The following SLCO3A1 variants were observed in gnomAD, a reference collection of about 807,000 sequenced individuals.
SLCO3A1 encodes solute carrier organic anion transporter family member 3A1.
SLCO3A1 carries 27 observed loss-of-function variants against 63.1 expected under a neutral mutation model. That is an observed-to-expected ratio of 0.43 (90% CI 0.32 to 0.59). The LOEUF is 0.59. Ranked by LOEUF, SLCO3A1 falls within the 20% of genes least tolerant of loss-of-function variation. The probability of loss-of-function intolerance (pLI) is 0.09; values close to 1 mark genes in which losing one functional copy is unlikely to be tolerated. For missense variants in SLCO3A1, 773 were observed against 945.8 expected (o/e 0.82, Z 2.40); for synonymous variants, 473 against 409.9 (o/e 1.15, Z -1.86).
intron 2 of SLCO3A1, among the ~76,000 whole-genome samples, chr15:91,952,805 T>C (rs1900042814): frequency 6.6e-6 from 1 of 152,204 alleles, no homozygotes; most frequent in African/African-American, 2.4e-5. Context: ...TTCGTACATT[T>C]CCTCCTGCCC....
At chr15:92,063,204 G>A (rs1044309049) in intron 2 of SLCO3A1, among the ~76,000 whole-genome samples, 2 of 152,240 alleles carry the variant, frequency 1.3e-5, no homozygotes, top group Admixed American at 1.3e-4. Context: ...TTAACTGAGA[G>A]TGTGGACCTC....
rs1415668301 is a variant in SLCO3A1, at chr15:91,886,586, G to A, written c.181-29407G>A. Among the ~76,000 whole-genome samples the A allele has an allele frequency of 6.6e-6, 1 of 152,176 alleles. No homozygotes were observed. The highest frequency in any genetic ancestry group is 2.4e-5 in the African/African-American group (1 of 41,436). Reference sequence around the variant, plus strand: ...CCTCAGCGTCAGTGTTGTTTCTACGGTGTGACCATATTTGATGTGCTTACT... The same window carrying A: ...CCTCAGCGTCAGTGTTGTTTCTACGATGTGACCATATTTGATGTGCTTACT... On this transcript the variant is annotated intron_variant, in intron 1 of 9. Coordinates refer to ENST00000318445, the MANE Select transcript of SLCO3A1 (RefSeq NM_013272.4). This position sits in a 1 kb window ranked among gnomAD's most constrained non-coding sequence, Gnocchi z 4.9.
Position 92,093,944 on chromosome 15 carries a change from G to A in SLCO3A1, c.647-937G>A, listed in dbSNP as rs138286015. On this transcript the variant is annotated intron_variant, in intron 2 of 9. Transcript: ENST00000318445. ...ACCCAACCTTGGAGCTGCCTGGCCTGGAATTACCCATGCACTGACTGTCCT... is the reference window on the plus strand; with the variant it reads ...ACCCAACCTTGGAGCTGCCTGGCCTAGAATTACCCATGCACTGACTGTCCT... Among the ~76,000 whole-genome samples, 937 of 152,246 alleles carry A rather than the reference G, an allele frequency of 6.2e-3. 2 individuals carry two copies. Among genetic ancestry groups the A allele is most frequent in the South Asian group, 0.021 (101 of 4,822 alleles).
intron 3 of SLCO3A1, among the ~76,000 whole-genome samples, chr15:92,096,763 G>A (rs1596097685): frequency 6.6e-6 from 1 of 152,222 alleles, no homozygotes; most frequent in East Asian, 1.9e-4. Flanking sequence ...TTTACTTGTA[G>A]CTAATGATGT....
rs1190259869 is a variant in SLCO3A1 at position 91,919,818 on chromosome 15, ATT to A, written c.646+3361_646+3362del. On this transcript the variant is annotated intron_variant, in intron 2 of 9. Coordinates refer to ENST00000318445, the MANE Select transcript of SLCO3A1 (RefSeq NM_013272.4). ...GTACTAAAGATTTCTCAATAACTTT[ATT>A]CCTAGTTAAAAAGCATTACATGTTC... is the stretch of plus-strand genomic sequence containing the variant. Among the ~76,000 whole-genome samples the A allele has an allele frequency of 2.0e-5, 3 of 152,020 alleles. No homozygotes were observed. The South Asian group carries it at 6.2e-4, about 32-fold the overall frequency.
intron 2 of SLCO3A1, among the ~76,000 whole-genome samples, chr15:92,002,663 C>T (rs947761472): frequency 7.2e-5 from 11 of 152,174 alleles, no homozygotes; most frequent in Non-Finnish European, 1.2e-4. Flanking sequence ...AGATATTCTC[C>T]GAAATTAGTG....
intron 2 of SLCO3A1, among the ~76,000 whole-genome samples, chr15:92,017,326 T>C (rs17518659): frequency 0.048 from 7,259 of 151,844 alleles, 243 homozygotes; most frequent in Non-Finnish European, 0.072. Flanking sequence ...TGAAAACATC[T>C]AAGTAGCAAA....
At chr15:91,929,676 C>A (rs1455357835) in intron 2 of SLCO3A1, among the ~76,000 whole-genome samples, 1 of 152,136 alleles carries the variant, frequency 6.6e-6, no homozygotes, top group African/African-American at 2.4e-5. Flanking sequence ...ACTGAAATTA[C>A]CTCTTCAACA....
rs376857866 is a variant in SLCO3A1 at position 92,165,464 on chromosome 15, C to G, written c.*2329C>G. On this transcript the variant is annotated 3_prime_UTR_variant, in exon 10 of 10. Coordinates refer to ENST00000318445, the MANE Select transcript of SLCO3A1 (RefSeq NM_013272.4). ...CAAACTCAGTACACACACACTGAGG[C>G]CCTTTGACCTAGTGTTTTATGGAAC... The G allele has an allele frequency of 4.1e-6, 4 of 981,932 alleles. No homozygotes were observed. The highest frequency in any genetic ancestry group is 1.2e-6 in the Non-Finnish European group (1 of 826,910). The allele number at this position is 981,932 out of a possible 1,614,324, so 60.8% of individuals were successfully genotyped here. A position where few individuals can be genotyped will look rare whatever the true frequency, so the allele number is the denominator to read the frequency against.
chr15:92,013,940 A>C (rs2046396934), intron 2 of SLCO3A1, among the ~76,000 whole-genome samples: 1 of 152,082 alleles, frequency 6.6e-6, no homozygotes, highest in Admixed American at 6.5e-5. Flanking sequence ...AGGTTTTTCT[A>C]TGTAAAAGGC....
At chr15:92,079,263 C>G (rs969109327) in intron 2 of SLCO3A1, among the ~76,000 whole-genome samples, 1 of 152,210 alleles carries the variant, frequency 6.6e-6, no homozygotes, top group African/African-American at 2.4e-5. Flanking sequence ...CAAGTACCCT[C>G]TCAAGTGTTG....
rs930931942 is a variant in SLCO3A1 at position 91,968,180 on chromosome 15, G to A, written c.646+51722G>A. Among the ~76,000 whole-genome samples the A allele has an allele frequency of 6.6e-6, 1 of 152,142 alleles. No homozygotes were observed. Among genetic ancestry groups the A allele is most frequent in the African/African-American group, 2.4e-5 (1 of 41,430 alleles). On this transcript the variant is annotated intron_variant, in intron 2 of 9. Transcript: ENST00000318445. The surrounding 1 kb of genome is among the most constrained non-coding windows in gnomAD (Gnocchi z 4.2). Reference sequence around the variant, plus strand: ...CGTAATCATCCATGCCCACAGAGGAGAGCGTGTGCCCTGAGTTTCAGTGCC... The same window carrying A: ...CGTAATCATCCATGCCCACAGAGGAAAGCGTGTGCCCTGAGTTTCAGTGCC...
chr15:92,098,693 A>G (rs948919148), intron 3 of SLCO3A1, among the ~76,000 whole-genome samples: 2 of 131,448 alleles, frequency 1.5e-5, no homozygotes, highest in African/African-American at 5.7e-5. Flanking sequence ...TGTAGATCCT[A>G]CTGTTAGGTG....
chr15:92,138,864 G>A (rs1327309089), intron 7 of SLCO3A1, among the ~76,000 whole-genome samples: 1 of 96,548 alleles, frequency 1.0e-5, no homozygotes, highest in Non-Finnish European at 1.9e-5. Context: ...ATCAGCTTAA[G>A]GAGATTTTGG....
chr15:91,898,710 A>T (rs1021238552), intron 1 of SLCO3A1, among the ~76,000 whole-genome samples: 8 of 151,824 alleles, frequency 5.3e-5, no homozygotes, highest in Admixed American at 2.0e-4. Context: ...AGGGAAAATT[A>T]CTTCTGGGTG....
chr15:92,142,156 A>G lies in SLCO3A1; in HGVS notation c.1513-4828A>G, dbSNP rs537932834. ...TTCCAGCTTTTCCTCTTGGACACCA[A>G]CAAACAGACATTTTCATTGGTCTTG... On this transcript the variant is annotated intron_variant, in intron 7 of 9. Coordinates refer to ENST00000318445, the MANE Select transcript of SLCO3A1 (RefSeq NM_013272.4). Among the ~76,000 whole-genome samples, 7 of 152,320 alleles carry G rather than the reference A, an allele frequency of 4.6e-5. No individual in the cohort carries two copies. In the East Asian group the frequency reaches 7.7e-4, roughly 17 times the overall value.
downstream of SLCO3A1, among the ~76,000 whole-genome samples, chr15:92,169,418 G>T (rs987863494): frequency 6.6e-6 from 1 of 152,236 alleles, no homozygotes; most frequent in Admixed American, 6.5e-5. Flanking sequence ...TGGCCCGAGT[G>T]GACTGTGGGG....
intron 2 of SLCO3A1, among the ~76,000 whole-genome samples, chr15:92,003,200 C>G (rs996998123): frequency 1.3e-5 from 2 of 152,160 alleles, no homozygotes; most frequent in Admixed American, 1.3e-4. Flanking sequence ...CTATATCTCT[C>G]TAGTGCCTGG....
Position 92,164,239 on chromosome 15 carries a change from C to T in SLCO3A1, c.*1104C>T. 1 of 984,398 alleles carries T rather than the reference C, an allele frequency of 1.0e-6. No homozygotes were observed. The highest frequency in any genetic ancestry group is 1.2e-6 in the Non-Finnish European group (1 of 829,226). 61.0% of individuals were successfully genotyped at this position (984,398 alleles called of 1,614,324 possible). On this transcript the variant is annotated 3_prime_UTR_variant, in exon 10 of 10. Transcript: ENST00000318445. ...TATGTGATACAAGGGATGCAATTAA[C>T]CTATTGTAATTTTCATCATTTTATC...
Sources: gnomAD v4.1 joint callset for allele counts (sites outside exome capture counted in the v4.1 genomes callset) on GRCh38, gnomAD v4.1.1 for gene constraint, Gnocchi (gnomAD v3.1) non-coding constraint, MANE v1.5 for transcripts, NCBI Gene and HGNC (gene_info 2026-07-23, HGNC 2026-07-21) for gene names.